The following DCPS variants were observed in gnomAD, a reference collection of about 807,000 sequenced individuals.
DCPS encodes decapping enzyme, scavenger.
Under a neutral mutation model 34.7 loss-of-function variants are expected in DCPS, and 27 were observed. That is an observed-to-expected ratio of 0.78 (90% CI 0.57 to 1.07). The LOEUF (loss-of-function observed/expected upper bound fraction) is 1.07. Among genes scored for constraint, DCPS ranks in the 50% least tolerant of loss-of-function variants. DCPS has a pLI of 0.00. For synonymous variants in DCPS, 185 were observed against 185.7 expected, an observed-to-expected ratio of 1.00 and a Z score of 0.03; for missense variants, 464 against 436.9, an observed-to-expected ratio of 1.06 and a Z score of -0.55.
At chr11:126,304,347 ATT>A (rs113633139) in intron 1 of DCPS, 66 bp downstream of exon 1, 8 of 1,280,968 alleles carry the variant, frequency 6.2e-6, no homozygotes, top group African/African-American at 1.5e-5. Flanking sequence ...TCGGAGGCAG[ATT>A]TTTTTTTTTC....
chr11:126,324,529 A>G (rs951328428), intron 2 of DCPS, among the ~76,000 whole-genome samples: 2 of 151,442 alleles, frequency 1.3e-5, no homozygotes, highest in African/African-American at 4.9e-5. Flanking sequence ...ATCTGCGCTC[A>G]TCACAACCTC....
At chr11:126,308,172 T>C (rs1389536685) in intron 2 of DCPS, among the ~76,000 whole-genome samples, 1 of 152,208 alleles carries the variant, frequency 6.6e-6, no homozygotes, top group Non-Finnish European at 1.5e-5. Flanking sequence ...ATGTGCATTT[T>C]TTCTCAAGAT....
intron 1 of DCPS, among the ~76,000 whole-genome samples, chr11:126,304,891 CAG>C (rs1433712868): frequency 6.6e-6 from 1 of 152,164 alleles, no homozygotes. Context: ...AGCAATCTGG[CAG>C]GGGCTGAGGA....
chr11:126,316,463 C>T (rs1951659333), intron 2 of DCPS, among the ~76,000 whole-genome samples: 1 of 151,970 alleles, frequency 6.6e-6, no homozygotes, highest in Admixed American at 6.5e-5. Flanking sequence ...ATATTTCCTT[C>T]CTTGCTGGTA....
chr11:126,310,376 A>C (rs1162988399), intron 2 of DCPS, among the ~76,000 whole-genome samples: 2 of 152,208 alleles, frequency 1.3e-5, no homozygotes, highest in Non-Finnish European at 2.9e-5. Context: ...GCACAATACT[A>C]AGTAGTAGCT....
intron 4 of DCPS, among the ~76,000 whole-genome samples, chr11:126,339,602 C>T (rs765865630): frequency 6.6e-5 from 10 of 152,184 alleles, no homozygotes; most frequent in Admixed American, 4.6e-4. Flanking sequence ...CAGCATTGAT[C>T]GATGATTCCC....
At position 126,318,926 on chromosome 11, in the gene DCPS, G is replaced by T. The variant is rs1391613182; in HGVS notation, c.376+12182G>T. Among the ~76,000 whole-genome samples, 4 of 152,228 alleles carry T rather than the reference G, an allele frequency of 2.6e-5. No homozygotes were observed. In the East Asian group the frequency reaches 7.7e-4, roughly 29 times the overall value. ...GGATTTGGCTAAGCTAGCTTTGGCA[G>T]GGAGCAGAGAGGCAGCTGCTCTTAA... On this transcript the variant is annotated intron_variant, in intron 2 of 5. Coordinates refer to ENST00000263579, the MANE Select transcript of DCPS (RefSeq NM_014026.6).
rs144940567 is a variant in DCPS at position 126,343,344 on chromosome 11, G to A, written c.674G>A (p.Arg225Gln). The A allele has an allele frequency of 1.1e-5, 18 of 1,613,766 alleles. No homozygotes were observed. Among genetic ancestry groups the A allele is most frequent in the East Asian group, 4.5e-5 (2 of 44,864 alleles). ...TACTTGATCGCCATCTGCCATCGCC[G>A]GGGCATCAGATCCCTACGCGACCTT... is the stretch of plus-strand genomic sequence containing the variant. ...DLYLIAICHR[R>Q]GIRSLRDLTP... The change falls in exon 5 of 6, where the codon CGG (arginine) becomes CAG (glutamine). Residue 225 changes from arginine to glutamine, a missense_variant. By Grantham distance (43) the Arg-to-Gln change is conservative. Coordinates refer to ENST00000263579, the MANE Select transcript of DCPS (RefSeq NM_014026.6).
At position 126,342,241 on chromosome 11, in the gene DCPS, A is replaced by C. The variant is rs999431190; in HGVS notation, c.637-1066A>C. The C allele has an allele frequency of 7.9e-5, 12 of 152,254 alleles. No individual in the cohort carries two copies. The highest frequency in any genetic ancestry group is 2.4e-4 in the African/African-American group (10 of 41,436). 9.4% of individuals were successfully genotyped at this position (152,254 alleles called of 1,614,324 possible). A position where few individuals can be genotyped will look rare whatever the true frequency, so the allele number is the denominator to read the frequency against. Reference sequence around the variant, plus strand: ...GAGTTCATTTGCTCTCTGGCACAAGATCTTGACTTTGATTCTTTGTACTGT... The same window carrying C: ...GAGTTCATTTGCTCTCTGGCACAAGCTCTTGACTTTGATTCTTTGTACTGT... On this transcript the variant is annotated intron_variant, in intron 4 of 5. Coordinates refer to ENST00000263579, the MANE Select transcript of DCPS (RefSeq NM_014026.6). The surrounding 1 kb of genome is among the most constrained non-coding windows in gnomAD (Gnocchi z 4.4).
rs1426417567 is a variant in DCPS at position 126,332,670 on chromosome 11, A to T, written c.522+1120A>T. ...TGCAGGAATGAAGTTTCCTTGGGAG[A>T]CCTGTGTGCCGCCAGCCCCCTTCCC... On this transcript the variant is annotated intron_variant, in intron 3 of 5. Coordinates refer to ENST00000263579, the MANE Select transcript of DCPS (RefSeq NM_014026.6). The surrounding 1 kb of genome is among the most constrained non-coding windows in gnomAD (Gnocchi z 5.4). Among the ~76,000 whole-genome samples, 1 of 151,978 alleles carries T rather than the reference A, an allele frequency of 6.6e-6. No individual in the cohort carries two copies. The highest frequency in any genetic ancestry group is 2.4e-5 in the African/African-American group (1 of 41,378).
rs1456592812 is a variant in DCPS, at chr11:126,344,098, C to A, written c.747+681C>A. ...CCATCCTAAGGGGCTGGGTCTGAGTCTTTTTTCCACTCTGAAATGTGATGC... is the reference window on the plus strand; with the variant it reads ...CCATCCTAAGGGGCTGGGTCTGAGTATTTTTTCCACTCTGAAATGTGATGC... On this transcript the variant is annotated intron_variant, in intron 5 of 5. Coordinates refer to ENST00000263579, the MANE Select transcript of DCPS (RefSeq NM_014026.6). This position sits in a 1 kb window ranked among gnomAD's most constrained non-coding sequence, Gnocchi z 8.1. 6.6e-6 allele frequency among the ~76,000 whole-genome samples: 1 copy of A among 151,518 alleles called. No homozygotes were observed. Among genetic ancestry groups the A allele is most frequent in the Non-Finnish European group, 1.5e-5 (1 of 67,950 alleles).
chr11:126,338,465 C>T lies in DCPS; in HGVS notation c.636+66C>T. Reference sequence around the variant, plus strand: ...CTGCTGTAAGTGCTGGTCCTTCTGACTGCCCTCTTTCTCACGCTGGCCTGT... The same window carrying T: ...CTGCTGTAAGTGCTGGTCCTTCTGATTGCCCTCTTTCTCACGCTGGCCTGT... On this transcript the variant is annotated intron_variant, in intron 4 of 5. Transcript: ENST00000263579. This position sits in a 1 kb window ranked among gnomAD's most constrained non-coding sequence, Gnocchi z 5.4. The T allele has an allele frequency of 7.0e-7, 1 of 1,438,372 alleles. No homozygotes were observed. The highest frequency in any genetic ancestry group is 1.1e-5 in the South Asian group (1 of 87,240). The allele number at this position is 1,438,372 out of a possible 1,614,324, so 89.1% of individuals were successfully genotyped here. A position where few individuals can be genotyped will look rare whatever the true frequency, so the allele number is the denominator to read the frequency against.
In DCPS at chr11:126,333,797, T is replaced by A. The variant is rs1271245168; in HGVS notation, c.522+2247T>A. Among the ~76,000 whole-genome samples, 2 of 152,140 alleles carry A rather than the reference T, an allele frequency of 1.3e-5. No homozygotes were observed. The highest frequency in any genetic ancestry group is 1.3e-4 in the Admixed American group (2 of 15,266). On this transcript the variant is annotated intron_variant, in intron 3 of 5. Transcript: ENST00000263579. This position sits in a 1 kb window ranked among gnomAD's most constrained non-coding sequence, Gnocchi z 5.7. ...CATCAGGATTGCCTGGGGGTTTTCA[T>A]AAATACCGAGCACAGAGCACTATTC...
rs1033753062 is a variant in DCPS, at chr11:126,315,640, A to T, written c.376+8896A>T. 1.3e-5 allele frequency among the ~76,000 whole-genome samples: 2 copies of T among 152,112 alleles called. No individual in the cohort carries two copies. Among genetic ancestry groups the T allele is most frequent in the Non-Finnish European group, 2.9e-5 (2 of 68,026 alleles). On this transcript the variant is annotated intron_variant, in intron 2 of 5. Transcript: ENST00000263579. This position sits in a 1 kb window ranked among gnomAD's most constrained non-coding sequence, Gnocchi z 6.1. The stretch of plus-strand genomic sequence containing the variant: ...CATGATTGAGGCCATATTAATATGC[A>T]TGCTCAACCAGAGTGCTAAGTTTCT...
chr11:126,325,747 G>T lies in DCPS; in HGVS notation c.377-5658G>T, dbSNP rs1951735005. On this transcript the variant is annotated intron_variant, in intron 2 of 5. Coordinates refer to ENST00000263579, the MANE Select transcript of DCPS (RefSeq NM_014026.6). The surrounding 1 kb of genome is among the most constrained non-coding windows in gnomAD (Gnocchi z 4.3). ...GGGAACTCTGTAAGGAGTGTTGGAG[G>T]TGCTCTTAATATATTGTGAAGATTT... 4.8e-5 allele frequency among the ~76,000 whole-genome samples: 7 copies of T among 147,064 alleles called. No individual in the cohort carries two copies. The South Asian group carries it at 1.5e-3, about 31-fold the overall frequency.
intron 2 of DCPS, among the ~76,000 whole-genome samples, chr11:126,309,193 T>A (rs1474464632): frequency 1.3e-5 from 2 of 152,076 alleles, no homozygotes; most frequent in Non-Finnish European, 2.9e-5. Flanking sequence ...GCCCAGCTAA[T>A]TTTTGTATTT....
intron 2 of DCPS, among the ~76,000 whole-genome samples, chr11:126,311,327 T>C (rs1330364526): frequency 1.3e-5 from 2 of 152,234 alleles, no homozygotes; most frequent in Admixed American, 1.3e-4. Context: ...TTGCTAACCA[T>C]GAGGACCTGG....
rs1033103410 is a variant in DCPS at position 126,331,669 on chromosome 11, T to C, written c.522+119T>C. On this transcript the variant is annotated intron_variant, in intron 3 of 5. Transcript: ENST00000263579. The surrounding 1 kb of genome is among the most constrained non-coding windows in gnomAD (Gnocchi z 7.2). ...GCTGTGCTGGGCGAGGGGATGGGGGTACAGTAGAGAGCATGGCGGACAGAA... is the reference window on the plus strand; with the variant it reads ...GCTGTGCTGGGCGAGGGGATGGGGGCACAGTAGAGAGCATGGCGGACAGAA... 3 of 1,287,508 alleles carry C rather than the reference T, an allele frequency of 2.3e-6. No individual in the cohort carries two copies. Among genetic ancestry groups the C allele is most frequent in the Non-Finnish European group, 3.2e-6 (3 of 946,070 alleles). 79.8% of individuals were successfully genotyped at this position (1,287,508 alleles called of 1,614,324 possible). A position where few individuals can be genotyped will look rare whatever the true frequency, so the allele number is the denominator to read the frequency against.
intron 2 of DCPS, among the ~76,000 whole-genome samples, chr11:126,317,793 G>A (rs1951673458): frequency 6.6e-6 from 1 of 152,190 alleles, no homozygotes; most frequent in Non-Finnish European, 1.5e-5. Flanking sequence ...AGAAGTGGGG[G>A]GGCTCGCGGC....
Sources: gnomAD v4.1 joint callset for allele counts (sites outside exome capture counted in the v4.1 genomes callset) on GRCh38, gnomAD v4.1.1 for gene constraint, Gnocchi (gnomAD v3.1) non-coding constraint, MANE v1.5 for transcripts, NCBI Gene and HGNC (gene_info 2026-07-23, HGNC 2026-07-21) for gene names.